The following MSRB3 variants were observed in gnomAD, a reference collection of about 807,000 sequenced individuals.
The protein encoded by MSRB3 is methionine sulfoxide reductase B3.
Under a neutral mutation model 21.0 loss-of-function variants are expected in MSRB3, and 13 were observed. That is an observed-to-expected ratio of 0.62 (90% CI 0.40 to 0.98). The LOEUF is 0.98. Among genes scored for constraint, MSRB3 ranks in the 50% least tolerant of loss-of-function variants. MSRB3 has a pLI of 0.00. For missense variants in MSRB3, 199 were observed against 230.3 expected (o/e 0.86, Z 0.88); for synonymous variants, 87 against 88.6 (o/e 0.98, Z 0.10).
intron 4 of MSRB3, among the ~76,000 whole-genome samples, chr12:65,329,645 C>T (rs1343249754): frequency 2.1e-5 from 3 of 139,566 alleles, no homozygotes; most frequent in East Asian, 4.0e-4. Context: ...AAGATTCCGT[C>T]TCAAAAAAAA....
At chr12:65,370,527 G>A (rs1288473299) in intron 5 of MSRB3, among the ~76,000 whole-genome samples, 2 of 152,158 alleles carry the variant, frequency 1.3e-5, no homozygotes, top group African/African-American at 4.8e-5. Context: ...AGGTAGAATT[G>A]AAGGTAGAAC....
intron 5 of MSRB3, among the ~76,000 whole-genome samples, chr12:65,371,286 C>T (rs1166457236): frequency 7.1e-6 from 1 of 141,212 alleles, no homozygotes; most frequent in Non-Finnish European, 1.5e-5. Flanking sequence ...CGAAATTCTG[C>T]CACTGCACTC....
rs561038618 is a variant in MSRB3, at chr12:65,417,907, C to T, written c.293-35821C>T. Among the ~76,000 whole-genome samples the T allele has an allele frequency of 2.7e-4, 41 of 152,262 alleles. No homozygotes were observed. The South Asian group carries it at 7.3e-3, about 27-fold the overall frequency. On this transcript the variant is annotated intron_variant, in intron 5 of 6. Coordinates refer to ENST00000308259, the MANE Select transcript of MSRB3 (RefSeq NM_001031679.3). Reference sequence around the variant, plus strand: ...ACTGATGGACATTTAGGTTGATTCCCACATCTTAGTTATTGTGAATAATGC... The same window carrying T: ...ACTGATGGACATTTAGGTTGATTCCTACATCTTAGTTATTGTGAATAATGC...
At chr12:65,384,245 T>G (rs1879097200) in intron 5 of MSRB3, among the ~76,000 whole-genome samples, 1 of 152,200 alleles carries the variant, frequency 6.6e-6, no homozygotes, top group African/African-American at 2.4e-5. Flanking sequence ...TTTAATAATT[T>G]TCCTCTTTTG....
At chr12:65,317,796 G>T (rs970918919) in intron 2 of MSRB3, among the ~76,000 whole-genome samples, 1 of 152,086 alleles carries the variant, frequency 6.6e-6, no homozygotes, top group African/African-American at 2.4e-5. Context: ...AAATGTTATT[G>T]TTGCTGTTTT....
intron 5 of MSRB3, among the ~76,000 whole-genome samples, chr12:65,401,048 A>G (rs2136602725): frequency 6.6e-6 from 1 of 152,270 alleles, no homozygotes; most frequent in African/African-American, 2.4e-5. Context: ...TCAGTTTCAG[A>G]ATAAGTGTGA....
intron 4 of MSRB3, among the ~76,000 whole-genome samples, chr12:65,334,205 A>G (rs1014297227): frequency 6.6e-6 from 1 of 152,226 alleles, no homozygotes; most frequent in African/African-American, 2.4e-5. Context: ...AGGTTCACTA[A>G]TGATAATGAT....
chr12:65,397,338 G>A (rs1879870182), intron 5 of MSRB3, among the ~76,000 whole-genome samples: 1 of 151,926 alleles, frequency 6.6e-6, no homozygotes, highest in African/African-American at 2.4e-5. Context: ...TTTTTAAGTG[G>A]CATCTTTAGA....
chr12:65,380,608 C>T (rs1878887981), intron 5 of MSRB3, among the ~76,000 whole-genome samples: 1 of 152,018 alleles, frequency 6.6e-6, no homozygotes, highest in South Asian at 2.1e-4. Flanking sequence ...AACTCTGTGG[C>T]CAATAATAAT....
At chr12:65,376,874 T>C (rs925120732) in intron 5 of MSRB3, among the ~76,000 whole-genome samples, 1 of 152,184 alleles carries the variant, frequency 6.6e-6, no homozygotes, top group African/African-American at 2.4e-5. Context: ...AGGAAACATA[T>C]TATTCCAAAC....
At chr12:65,344,880 C>G (rs887298504) in intron 4 of MSRB3, among the ~76,000 whole-genome samples, 1 of 152,012 alleles carries the variant, frequency 6.6e-6, no homozygotes, top group Non-Finnish European at 1.5e-5. Context: ...ACCATACATT[C>G]CAAGTCTCTC....
chr12:65,388,492 T>C (rs1879306449), intron 5 of MSRB3, among the ~76,000 whole-genome samples: 1 of 152,202 alleles, frequency 6.6e-6, no homozygotes, highest in African/African-American at 2.4e-5. Context: ...GTTCTTGAAA[T>C]AGTTTGAGAA....
Position 65,389,359 on chromosome 12 carries a change from G to A in MSRB3, c.292+20333G>A, listed in dbSNP as rs114209444. Among the ~76,000 whole-genome samples, 519 of 151,658 alleles carry A rather than the reference G, an allele frequency of 3.4e-3. 2 individuals are homozygous for A. The highest frequency in any genetic ancestry group is 0.012 in the African/African-American group (480 of 41,302). ...TAATTGAGACTTGTTTCTCTCCCAA[G>A]GTCCCTCTTGCAGCTGCAAGAGTAC... On this transcript the variant is annotated intron_variant, in intron 5 of 6. Coordinates refer to ENST00000308259, the MANE Select transcript of MSRB3 (RefSeq NM_001031679.3).
At chr12:65,331,090 A>G (rs566137790) in intron 4 of MSRB3, among the ~76,000 whole-genome samples, 27 of 152,336 alleles carry the variant, frequency 1.8e-4, no homozygotes, top group Admixed American at 3.3e-4. Flanking sequence ...TGTCAAATCT[A>G]CATTTTACGT....
At chr12:65,280,449 G>T (rs1409608622) in intron 1 of MSRB3, among the ~76,000 whole-genome samples, 4 of 152,172 alleles carry the variant, frequency 2.6e-5, no homozygotes, top group Non-Finnish European at 5.9e-5. Context: ...TTTTTCCTCA[G>T]TGATGTGTTG....
At chr12:65,451,639 C>T (rs1882862319) in intron 5 of MSRB3, among the ~76,000 whole-genome samples, 1 of 152,158 alleles carries the variant, frequency 6.6e-6, no homozygotes, top group South Asian at 2.1e-4. Flanking sequence ...TGTTTCTCCT[C>T]TCCTAAATAC....
At chr12:65,380,683 CTAAG>C (rs1878892715) in intron 5 of MSRB3, among the ~76,000 whole-genome samples, 1 of 152,132 alleles carries the variant, frequency 6.6e-6, no homozygotes, top group Admixed American at 6.6e-5. Flanking sequence ...ATGCTCTGTA[CTAAG>C]TGTTTAATAT....
At chr12:65,387,415 G>C (rs1879249108) in intron 5 of MSRB3, among the ~76,000 whole-genome samples, 1 of 151,524 alleles carries the variant, frequency 6.6e-6, no homozygotes, top group African/African-American at 2.4e-5. Flanking sequence ...TATTTTCTTT[G>C]CCTATCTGAT....
At chr12:65,390,278 C>T (rs1260829442) in intron 5 of MSRB3, among the ~76,000 whole-genome samples, 1 of 152,144 alleles carries the variant, frequency 6.6e-6, no homozygotes, top group Non-Finnish European at 1.5e-5. Flanking sequence ...CCAAACGCAA[C>T]TCCTTCAGCT....
Sources: gnomAD v4.1 joint callset for allele counts (sites outside exome capture counted in the v4.1 genomes callset) on GRCh38, gnomAD v4.1.1 for gene constraint, MANE v1.5 for transcripts, NCBI Gene and HGNC (gene_info 2026-07-23, HGNC 2026-07-21) for gene names.